Variants in PKNOX2 observed in about 807,000 individuals in gnomAD.
PKNOX2 encodes homeobox protein PKNOX2.
PKNOX2 carries 14 observed loss-of-function variants against 53.1 expected under a neutral mutation model. That is an observed-to-expected ratio of 0.26 (90% confidence interval 0.17 to 0.41). The LOEUF (loss-of-function observed/expected upper bound fraction) is 0.41, where lower values mean the gene tolerates loss of function less well. Among genes scored for constraint, PKNOX2 ranks in the 10% least tolerant of loss-of-function variants. The pLI is 1.00. For synonymous variants in PKNOX2, 257 were observed against 242.8 expected (o/e 1.06, Z -0.54); for missense variants, 496 against 602.8 (o/e 0.82, Z 1.85).
rs57415781 is a variant in PKNOX2, at chr11:125,323,855, T to TTG, written c.-129-7944_-129-7943dup. ...TGTGTCTGTGACACTGTTTCTGGGG[T>TTG]TGTGTGTGTGTGTGTGTGTGTTGTC... On this transcript the variant is annotated intron_variant, in intron 2 of 12. Transcript: ENST00000298282. Among the ~76,000 whole-genome samples, 808 of 149,882 alleles carry TTG rather than the reference T, an allele frequency of 5.4e-3. 8 individuals carry two copies. The highest frequency in any genetic ancestry group is 0.023 in the South Asian group (110 of 4,736).
intron 10 of PKNOX2, among the ~76,000 whole-genome samples, chr11:125,415,866 C>T (rs1479710603): frequency 6.6e-6 from 1 of 152,210 alleles, no homozygotes; most frequent in African/African-American, 2.4e-5. Context: ...AAAAGAGATA[C>T]TTTAATTTAA....
chr11:125,217,038 GTC>G (rs1275248757), intron 1 of PKNOX2, among the ~76,000 whole-genome samples: 1 of 130,522 alleles, frequency 7.7e-6, no homozygotes, highest in African/African-American at 2.8e-5. Flanking sequence ...CACACACACA[GTC>G]TCTCTCACAC....
chr11:125,317,541 A>T (rs79487844), intron 2 of PKNOX2, among the ~76,000 whole-genome samples: 1 of 152,184 alleles, frequency 6.6e-6, no homozygotes, highest in Non-Finnish European at 1.5e-5. Context: ...CTCCTTGTAC[A>T]TCTCCATCAG....
intron 2 of PKNOX2, among the ~76,000 whole-genome samples, chr11:125,309,848 T>C (rs1386675228): frequency 6.6e-6 from 1 of 152,244 alleles, no homozygotes; most frequent in Non-Finnish European, 1.5e-5. Flanking sequence ...TTCCATAGTG[T>C]CATGCAAATC....
chr11:125,401,321 A>G (rs760655616), intron 7 of PKNOX2, among the ~76,000 whole-genome samples: 5 of 152,202 alleles, frequency 3.3e-5, no homozygotes, highest in Admixed American at 6.5e-5. Flanking sequence ...CAAGAGTGAC[A>G]GCAAGTGAAA....
chr11:125,428,200 C>T (rs773636417), intron 10 of PKNOX2, among the ~76,000 whole-genome samples: 5 of 152,122 alleles, frequency 3.3e-5, no homozygotes, highest in South Asian at 2.1e-4. Flanking sequence ...AGTCAGTGCA[C>T]GGGCTGCAGC....
chr11:125,253,364 G>C (rs1944155024), intron 2 of PKNOX2, among the ~76,000 whole-genome samples: 1 of 152,158 alleles, frequency 6.6e-6, no homozygotes. Flanking sequence ...CCCTGTGGCA[G>C]TTTCCTTCTC....
At chr11:125,263,784 C>T (rs902932015) in intron 2 of PKNOX2, among the ~76,000 whole-genome samples, 3 of 152,258 alleles carry the variant, frequency 2.0e-5, no homozygotes, top group Non-Finnish European at 2.9e-5. Flanking sequence ...CCGCCCCCAC[C>T]ACCCGTCCAC....
intron 2 of PKNOX2, among the ~76,000 whole-genome samples, chr11:125,275,525 G>T (rs1946095300): frequency 6.6e-6 from 1 of 152,194 alleles, no homozygotes; most frequent in South Asian, 2.1e-4. Context: ...TCTGGCTGCT[G>T]AGGGAGTAAA....
intron 10 of PKNOX2, among the ~76,000 whole-genome samples, chr11:125,413,526 C>A (rs1353231495): frequency 6.6e-6 from 1 of 152,242 alleles, no homozygotes; most frequent in African/African-American, 2.4e-5. Flanking sequence ...CCGCTCCCAA[C>A]TGCTCGTGGA....
intron 1 of PKNOX2, among the ~76,000 whole-genome samples, chr11:125,207,186 T>G (rs1461783777): frequency 1.3e-5 from 2 of 151,838 alleles, no homozygotes. Flanking sequence ...GAAGATAGAT[T>G]CTTCTTCTCT....
intron 2 of PKNOX2, among the ~76,000 whole-genome samples, chr11:125,249,409 G>T (rs975959996): frequency 6.6e-6 from 1 of 152,110 alleles, no homozygotes; most frequent in East Asian, 1.9e-4. Context: ...CCACATCCAC[G>T]AATTCAATCA....
rs758883585 is a variant in PKNOX2 at position 125,367,829 on chromosome 11, C to A, written c.88-17C>A. ...TGGCCATGCTAACCCACCACCTCCCCTTTCTTCTCTCTGCAGATGACGGCA... is the reference window on the plus strand; with the variant it reads ...TGGCCATGCTAACCCACCACCTCCCATTTCTTCTCTCTGCAGATGACGGCA... On this transcript the variant is annotated splice_polypyrimidine_tract_variant and intron_variant, in intron 4 of 12. Coordinates refer to ENST00000298282, the MANE Select transcript of PKNOX2 (RefSeq NM_001382323.2). 1 of 1,607,360 alleles carries A rather than the reference C, an allele frequency of 6.2e-7. No homozygotes were observed. Among genetic ancestry groups the A allele is most frequent in the Non-Finnish European group, 8.5e-7 (1 of 1,177,396 alleles).
intron 5 of PKNOX2, among the ~76,000 whole-genome samples, chr11:125,385,083 G>A (rs565653735): frequency 6.6e-6 from 1 of 152,282 alleles, no homozygotes; most frequent in East Asian, 1.9e-4. Flanking sequence ...GCACTTGCAA[G>A]CACACAAGTG....
At chr11:125,258,200 T>C (rs1291923371) in intron 2 of PKNOX2, among the ~76,000 whole-genome samples, 1 of 152,136 alleles carries the variant, frequency 6.6e-6, no homozygotes, top group Admixed American at 6.5e-5. Context: ...AGCTTCTTTC[T>C]TCCTGTCACC....
intron 2 of PKNOX2, among the ~76,000 whole-genome samples, chr11:125,322,044 G>A (rs562627318): frequency 2.0e-5 from 3 of 152,176 alleles, no homozygotes; most frequent in Admixed American, 6.5e-5. Context: ...ACCACAGTGG[G>A]GATCAGGTTT....
chr11:125,202,130 G>T (rs759118494), intron 1 of PKNOX2, among the ~76,000 whole-genome samples: 24 of 152,328 alleles, frequency 1.6e-4, no homozygotes, highest in Admixed American at 5.9e-4. Flanking sequence ...GGGAAGGAGA[G>T]GGGGAAAGTT....
intron 2 of PKNOX2, among the ~76,000 whole-genome samples, chr11:125,265,290 A>G (rs570191076): frequency 6.6e-6 from 1 of 152,160 alleles, no homozygotes; most frequent in Admixed American, 6.5e-5. Flanking sequence ...CTGTCTCAAA[A>G]AAAAAAAAAG....
chr11:125,285,029 C>T (rs779484181), intron 2 of PKNOX2, among the ~76,000 whole-genome samples: 5 of 152,102 alleles, frequency 3.3e-5, no homozygotes, highest in Admixed American at 6.5e-5. Flanking sequence ...GAGCAAGTTG[C>T]CACATAGCAG....
Sources: allele counts gnomAD v4.1 joint callset (sites outside exome capture counted in the v4.1 genomes callset), GRCh38; gene constraint gnomAD v4.1.1; transcripts MANE v1.5; gene names NCBI Gene and HGNC (gene_info 2026-07-23, HGNC 2026-07-21).